The following SMC1A variants were observed in gnomAD, a reference collection of about 807,000 sequenced individuals.
SMC1A encodes structural maintenance of chromosomes 1A, also known as structural maintenance of chromosomes protein 1A.
In SMC1A, 4 loss-of-function variants were observed where a neutral mutation model predicts 94.5. The ratio of observed to expected loss-of-function variants is 0.04; its 90% CI spans 0.02 to 0.10. SMC1A has a LOEUF of 0.10. SMC1A is among the 10% of genes least tolerant of loss of function. SMC1A has a pLI of 1.00. For synonymous variants in SMC1A, 345 were observed against 347.7 expected (o/e 0.99, Z 0.09); for missense variants, 304 against 989.0 (o/e 0.31, Z 9.29).
In SMC1A at chrX:53,379,843, G is replaced by A; in HGVS notation, c.*260C>T. On this transcript the variant is annotated 3_prime_UTR_variant, in exon 25 of 25. Transcript: ENST00000322213. ...GATTATGGGTGATGAGGGGGAGGAA[G>A]GGGGTGTGTGTGATGAACAGATGGC... is the stretch of plus-strand genomic sequence containing the variant. The A allele has an allele frequency of 2.4e-6, 1 of 421,947 alleles. No individual in the cohort carries two copies. Among genetic ancestry groups the A allele is most frequent in the South Asian group, 3.7e-5 (1 of 26,721 alleles). The allele number at this position is 421,947 out of a possible 1,213,427, so 34.8% of individuals were successfully genotyped here.
Position 53,382,019 on chromosome X carries a change from C to T in SMC1A, c.3437+213G>A, listed in dbSNP as rs782527553. ...GGCGGAACTAAATACATGCAGAGGC[C>T]GGTGAGGACATGCTGAGCAGATGAG... is the stretch of plus-strand genomic sequence containing the variant. On this transcript the variant is annotated intron_variant, in intron 22 of 24. Transcript: ENST00000322213. The T allele has an allele frequency of 1.1e-3, 494 of 455,215 alleles. 4 individuals are homozygous for T. In the South Asian group the frequency reaches 0.012, roughly 11 times the overall value. 37.5% of individuals were successfully genotyped at this position (455,215 alleles called of 1,213,427 possible).
rs897112776 is a variant in SMC1A at position 53,412,981 on chromosome X, T to C, written c.773A>G (p.Lys258Arg). 8.4e-7 allele frequency: 1 copy of C among 1,197,015 alleles called. No homozygotes were observed. The highest frequency in any genetic ancestry group is 1.1e-6 in the Non-Finnish European group (1 of 883,809). ...EIEKDKKRMD[K>R]VEDELKEKKK... ...CTTCTCCTTCAGTTCATCCTCCACC[T>C]TGTCCATACGCTTCTTGTCCTTCTC... is the stretch of plus-strand genomic sequence containing the variant. The change falls in exon 5 of 25, where the codon AAG becomes AGG. Residue 258 changes from lysine to arginine, a missense_variant. Lys to Arg is a conservative substitution (Grantham distance 26). Transcript: ENST00000322213.
At chrX:53,410,944 A>AAAAAAAAAAAAAAAAAAAC (rs2075709874) in intron 7 of SMC1A, among the ~76,000 whole-genome samples, 1 of 96,139 alleles carries the variant, frequency 1.0e-5, no homozygotes, top group South Asian at 5.3e-4. Flanking sequence ...AAAAAAAAAA[A>AAAAAAAAAAAAAAAAAAAC]AGTAGCCAGG....
At chrX:53,403,540 T>A in intron 15 of SMC1A, 26 bp downstream of exon 15, 3 of 1,126,608 alleles carry the variant, frequency 2.7e-6, no homozygotes, top group Non-Finnish European at 3.6e-6. Flanking sequence ...GGCATGCCAA[T>A]CTCTTCTACC....
chrX:53,390,507 G>T (rs1220674185), intron 19 of SMC1A, among the ~76,000 whole-genome samples: 5 of 109,517 alleles, frequency 4.6e-5, no homozygotes, highest in Admixed American at 1.9e-4. Flanking sequence ...AAAGAACTGT[G>T]TGGGGGTGCA....
In SMC1A at chrX:53,377,050, G is replaced by A. The variant is rs2075562267; in HGVS notation, c.*3053C>T. On this transcript the variant is annotated 3_prime_UTR_variant, in exon 25 of 25. Coordinates refer to ENST00000322213, the MANE Select transcript of SMC1A (RefSeq NM_006306.4). ...ATCTACTCGGATCCAGCTTGCTCTT[G>A]GAAACACTGTGGTGCCCAGCCTCCC... is the stretch of plus-strand genomic sequence containing the variant. 1 of 112,079 alleles carries A rather than the reference G, an allele frequency of 8.9e-6. No individual in the cohort carries two copies. The highest frequency in any genetic ancestry group is 1.9e-5 in the Non-Finnish European group (1 of 53,220). The allele number at this position is 112,079 out of a possible 1,213,427, so 9.2% of individuals were successfully genotyped here. A position where few individuals can be genotyped will look rare whatever the true frequency, so the allele number is the denominator to read the frequency against.
intron 16 of SMC1A, 87 bp downstream of exon 16, chrX:53,399,502 T>G: frequency 1.1e-6 from 1 of 921,905 alleles, no homozygotes; most frequent in South Asian, 2.0e-5. Flanking sequence ...AATTTCTAAG[T>G]TGTGGACATT....
chrX:53,422,353 C>G, intron 1 of SMC1A, 139 bp downstream of exon 1: 1 of 503,676 alleles, frequency 2.0e-6, no homozygotes, highest in Non-Finnish European at 3.5e-6. Flanking sequence ...TGGGTTCGAG[C>G]AGAACCCCCT....
chrX:53,398,851 C>T (rs1463447184), intron 16 of SMC1A, among the ~76,000 whole-genome samples: 1 of 111,377 alleles, frequency 9.0e-6, no homozygotes, highest in African/African-American at 3.3e-5. Flanking sequence ...TAAAGCTTTG[C>T]CAGCATTTTG....
At chrX:53,390,973 C>CAAAAAAAAAAAAAAAAAAAAAAAA (rs782771730) in intron 19 of SMC1A, among the ~76,000 whole-genome samples, 39 of 34,312 alleles carry the variant, frequency 1.1e-3, no homozygotes, top group East Asian at 1.3e-3. Context: ...GACTCCGTCT[C>CAAAAAAAAAAAAAAAAAAAAAAAA]AAAAAAAAAA....
At chrX:53,404,681 G>A (rs781898958) in intron 13 of SMC1A, among the ~76,000 whole-genome samples, 10 of 111,094 alleles carry the variant, frequency 9.0e-5, no homozygotes, top group African/African-American at 2.3e-4. Context: ...TTGTAGTAGA[G>A]ACAGGTTTGG....
rs782437338 is a variant in SMC1A at position 53,409,140 on chromosome X, G to A, written c.1467C>T (p.Ile489=). 4 of 1,211,543 alleles carry A rather than the reference G, an allele frequency of 3.3e-6. No homozygotes were observed. Among genetic ancestry groups the A allele is most frequent in the South Asian group, 3.5e-5 (2 of 57,006 alleles). The change falls in exon 9 of 25, where the codon ATC becomes ATT. Residue 489 remains isoleucine (I), a synonymous_variant. Transcript: ENST00000322213. Reference sequence around the variant, plus strand: ...GCTGGCGGCTGCTCTCCTGGCGGTCGATGCGGGCATCCCCTAGCTGCTCCA... The same window carrying A: ...GCTGGCGGCTGCTCTCCTGGCGGTCAATGCGGGCATCCCCTAGCTGCTCCA... ...QVMEQLGDAR[I]DRQESSRQQR... is the part of the protein sequence containing the mutation.
chrX:53,405,700 G>A (rs781928024), intron 10 of SMC1A, 28 bp from the exon 11 acceptor site: 1 of 1,210,350 alleles, frequency 8.3e-7, no homozygotes, highest in East Asian at 3.0e-5. Flanking sequence ...GTCAGTGGCA[G>A]AACACAAACA....
intron 19 of SMC1A, among the ~76,000 whole-genome samples, chrX:53,394,092 C>T (rs1359459791): frequency 3.1e-5 from 3 of 96,556 alleles, no homozygotes; most frequent in African/African-American, 8.0e-5. Flanking sequence ...GAGGTTGCAG[C>T]AGTGAGTCGA....
chrX:53,421,700 CCTTAT>C (rs1556892070), intron 1 of SMC1A, among the ~76,000 whole-genome samples: 3 of 112,357 alleles, frequency 2.7e-5, no homozygotes, highest in Non-Finnish European at 3.8e-5. Flanking sequence ...CTTATTTTCT[CCTTAT>C]CTTCTTTCCC....
At chrX:53,420,000 T>G (rs1439930549) in intron 1 of SMC1A, among the ~76,000 whole-genome samples, 4 of 110,032 alleles carry the variant, frequency 3.6e-5, no homozygotes, top group Non-Finnish European at 5.7e-5. Context: ...TTACTTTCAC[T>G]ACCACTTAGC....
intron 16 of SMC1A, among the ~76,000 whole-genome samples, chrX:53,397,767 A>G (rs1346683848): frequency 9.0e-6 from 1 of 111,677 alleles, no homozygotes; most frequent in African/African-American, 3.3e-5. Context: ...AATTTTTTGC[A>G]AAGTTGAAAA....
intron 22 of SMC1A, among the ~76,000 whole-genome samples, chrX:53,381,494 T>C (rs1185048998): frequency 8.9e-6 from 1 of 111,903 alleles, no homozygotes; most frequent in Non-Finnish European, 1.9e-5. Context: ...TGCCTGCTGG[T>C]CTACCTGGCA....
At chrX:53,403,960 A>G in intron 13 of SMC1A, 67 bp from the exon 14 acceptor site, 1 of 761,062 alleles carries the variant, frequency 1.3e-6, no homozygotes, top group South Asian at 2.1e-5. Context: ...CCTTGACTGC[A>G]TTGGCCCCAC....
Sources: gnomAD v4.1 joint callset for allele counts (sites outside exome capture counted in the v4.1 genomes callset) on GRCh38, gnomAD v4.1.1 for gene constraint, MANE v1.5 for transcripts, NCBI Gene and HGNC (gene_info 2026-07-23, HGNC 2026-07-21) for gene names.